Variants in RBFOX1 observed in about 807,000 individuals in gnomAD.
RBFOX1 encodes the protein RNA binding fox-1 homolog 1.
RBFOX1 carries 8 observed loss-of-function variants against 57.7 expected under a neutral mutation model. That is an observed-to-expected ratio of 0.14 (90% CI 0.08 to 0.25). The LOEUF (loss-of-function observed/expected upper bound fraction) is 0.25, where lower values mean the gene tolerates loss of function less well. RBFOX1 is among the 10% of genes least tolerant of loss of function. RBFOX1 has a pLI of 1.00. For synonymous variants in RBFOX1, 326 were observed against 222.4 expected (o/e 1.47, Z -4.15); for missense variants, 611 against 548.5 (o/e 1.11, Z -1.14).
At chr16:6,214,330 G>C (rs532052863) in intron 1 of RBFOX1, among the ~76,000 whole-genome samples, 1 of 147,818 alleles carries the variant, frequency 6.8e-6, no homozygotes. Flanking sequence ...AGAGAGAGAG[G>C]GGGAGAGGGA....
At chr16:7,289,541 G>A (rs886232780) in intron 4 of RBFOX1, among the ~76,000 whole-genome samples, 1 of 151,646 alleles carries the variant, frequency 6.6e-6, no homozygotes, top group African/African-American at 2.4e-5. Context: ...ATCACCATCA[G>A]CATCAATATG....
intron 4 of RBFOX1, among the ~76,000 whole-genome samples, chr16:7,123,644 A>T (rs1390545947): frequency 6.6e-6 from 1 of 152,114 alleles, no homozygotes; most frequent in Non-Finnish European, 1.5e-5. Flanking sequence ...GGACTGGAGG[A>T]GTGAGCCACC....
At chr16:7,676,735 C>G (rs1399581013) in intron 13 of RBFOX1, 39 bp from the exon 14 acceptor site, 3 of 1,572,674 alleles carry the variant, frequency 1.9e-6, no homozygotes, top group East Asian at 4.5e-5. Context: ...GCATTGGGCT[C>G]CGCTACATTC....
intron 1 of RBFOX1, among the ~76,000 whole-genome samples, chr16:6,188,825 T>C (rs1346272023): frequency 3.3e-5 from 5 of 152,166 alleles, no homozygotes; most frequent in Non-Finnish European, 7.3e-5. Flanking sequence ...GCACATACAG[T>C]TCATTTTTAG....
chr16:6,767,915 A>AATAATG (rs1388370986), intron 3 of RBFOX1, among the ~76,000 whole-genome samples: 16 of 52,120 alleles, frequency 3.1e-4, no homozygotes, highest in Admixed American at 6.3e-4. Context: ...ACTCTATCTC[A>AATAATG]ATAATAATAA....
At chr16:5,301,739 T>C (rs2063813140) in intron 1 of RBFOX1, among the ~76,000 whole-genome samples, 2 of 152,116 alleles carry the variant, frequency 1.3e-5, no homozygotes, top group African/African-American at 4.8e-5. Flanking sequence ...ATTGCAGTCT[T>C]ATAAAAGAAC....
chr16:5,703,256 A>T (rs1480528441), intron 3 of RBFOX1, among the ~76,000 whole-genome samples: 1 of 152,222 alleles, frequency 6.6e-6, no homozygotes, highest in Non-Finnish European at 1.5e-5. Context: ...GTATGGGGTA[A>T]GGGCATTGGG....
At chr16:7,648,367 GAT>G (rs2064191202) in intron 11 of RBFOX1, among the ~76,000 whole-genome samples, 1 of 152,060 alleles carries the variant, frequency 6.6e-6, no homozygotes, top group Non-Finnish European at 1.5e-5. Flanking sequence ...TGGGACTACA[GAT>G]GCATACCACC....
intron 2 of RBFOX1, among the ~76,000 whole-genome samples, chr16:6,395,504 A>G (rs1225811763): frequency 1.3e-5 from 2 of 151,868 alleles, no homozygotes; most frequent in Non-Finnish European, 2.9e-5. Flanking sequence ...CATTTTTTGT[A>G]GATATTTAAG....
intron 1 of RBFOX1, among the ~76,000 whole-genome samples, chr16:6,025,622 G>T (rs974445531): frequency 6.6e-6 from 1 of 152,158 alleles, no homozygotes; most frequent in Non-Finnish European, 1.5e-5. Flanking sequence ...TTTATTGATC[G>T]TCTGTCCGGG....
At chr16:5,423,439 A>G (rs1246036800) in intron 1 of RBFOX1, among the ~76,000 whole-genome samples, 1 of 152,176 alleles carries the variant, frequency 6.6e-6, no homozygotes, top group African/African-American at 2.4e-5. Context: ...AATAACTACC[A>G]TGTGATATCC....
chr16:6,799,767 C>G (rs754878826), intron 3 of RBFOX1, among the ~76,000 whole-genome samples: 37 of 152,056 alleles, frequency 2.4e-4, no homozygotes, highest in Non-Finnish European at 1.0e-4. Flanking sequence ...GTTCTTTAGC[C>G]TTTGGACCGC....
chr16:5,810,832 C>G (rs566250555), intron 3 of RBFOX1, among the ~76,000 whole-genome samples: 1 of 152,218 alleles, frequency 6.6e-6, no homozygotes, highest in African/African-American at 2.4e-5. Flanking sequence ...TTCAAATTGC[C>G]TCAACTGGGA....
chr16:5,508,431 C>A (rs917978140), intron 2 of RBFOX1, among the ~76,000 whole-genome samples: 4 of 152,338 alleles, frequency 2.6e-5, no homozygotes, highest in African/African-American at 9.6e-5. Flanking sequence ...AAGGTAGATG[C>A]TGCAGCCTTC....
intron 3 of RBFOX1, among the ~76,000 whole-genome samples, chr16:6,900,047 G>C (rs186176654): frequency 6.6e-6 from 1 of 152,068 alleles, no homozygotes; most frequent in African/African-American, 2.4e-5. Flanking sequence ...TAGGGTTGTC[G>C]GGAGGATTAA....
intron 2 of RBFOX1, among the ~76,000 whole-genome samples, chr16:5,496,904 T>C (rs987177474): frequency 4.6e-5 from 7 of 152,260 alleles, no homozygotes; most frequent in African/African-American, 1.7e-4. Context: ...ACCATTGATT[T>C]TCCATGAGTA....
At chr16:6,073,694 G>A (rs72633298) in intron 1 of RBFOX1, among the ~76,000 whole-genome samples, 16,830 of 152,062 alleles carry the variant, frequency 0.11, 1,166 homozygotes, top group East Asian at 0.27. Flanking sequence ...TATTGTAAGT[G>A]TATAAATTTT....
Position 7,711,614 on chromosome 16 carries a change from C to G in RBFOX1, c.*869C>G, listed in dbSNP as rs1477423979. ...CTGTTTCTATTTTTTTCTTTTTTTC[C>G]AAAAAAAGAAAGTAATAAAAACTTA... is the stretch of plus-strand genomic sequence containing the variant. On this transcript the variant is annotated 3_prime_UTR_variant, in exon 16 of 16. Coordinates refer to ENST00000550418, the MANE Select transcript of RBFOX1 (RefSeq NM_018723.4). The G allele has an allele frequency of 6.7e-6, 1 of 149,452 alleles. No homozygotes were observed. The highest frequency in any genetic ancestry group is 1.5e-5 in the Non-Finnish European group (1 of 67,398). The allele number at this position is 149,452 out of a possible 1,614,324, so 9.3% of individuals were successfully genotyped here.
At chr16:6,481,670 A>G (rs374214650) in intron 2 of RBFOX1, among the ~76,000 whole-genome samples, 1 of 152,176 alleles carries the variant, frequency 6.6e-6, no homozygotes, top group South Asian at 2.1e-4. Flanking sequence ...CTGTTGGAAA[A>G]TGTGTCAGGG....
Sources: allele counts gnomAD v4.1 joint callset (sites outside exome capture counted in the v4.1 genomes callset), GRCh38; gene constraint gnomAD v4.1.1; transcripts MANE v1.5; gene names NCBI Gene and HGNC (gene_info 2026-07-23, HGNC 2026-07-21).